Variants in MSI2 observed in about 807,000 individuals in gnomAD.
MSI2 encodes the protein musashi RNA binding protein 2.
MSI2 carries 17 observed loss-of-function variants against 45.6 expected under a neutral mutation model. The observed-to-expected ratio is 0.37, with a 90% CI of 0.26 to 0.56. MSI2 has a LOEUF of 0.56. Ranked by LOEUF, MSI2 falls within the 20% of genes least tolerant of loss-of-function variation. The pLI is 0.77. For missense variants in MSI2, 293 were observed against 444.2 expected, an observed-to-expected ratio of 0.66 and a Z score of 3.06; for synonymous variants, 156 against 158.2, an observed-to-expected ratio of 0.99 and a Z score of 0.11.
intron 6 of MSI2, among the ~76,000 whole-genome samples, chr17:57,494,979 A>G (rs1567857963): frequency 6.6e-6 from 1 of 152,224 alleles, no homozygotes; most frequent in African/African-American, 2.4e-5. Flanking sequence ...CACTTAAAAA[A>G]AACAACAGTG....
intron 5 of MSI2, among the ~76,000 whole-genome samples, chr17:57,317,968 G>A (rs1478308890): frequency 6.6e-6 from 1 of 152,110 alleles, no homozygotes. Flanking sequence ...GGCCAACATG[G>A]TGAAACCCCA....
chr17:57,654,426 C>T (rs767478112), intron 11 of MSI2, among the ~76,000 whole-genome samples: 12 of 152,240 alleles, frequency 7.9e-5, no homozygotes, highest in Non-Finnish European at 1.2e-4. Flanking sequence ...TGTCACCTCA[C>T]TCCTTCTAGA....
intron 8 of MSI2, among the ~76,000 whole-genome samples, chr17:57,610,152 A>G (rs1181621640): frequency 6.6e-6 from 1 of 152,100 alleles, no homozygotes; most frequent in East Asian, 1.9e-4. Flanking sequence ...ACTTACTCTC[A>G]AATGGAAAAA....
intron 5 of MSI2, among the ~76,000 whole-genome samples, chr17:57,296,147 G>A (rs187026794): frequency 6.6e-6 from 1 of 151,458 alleles, no homozygotes; most frequent in Non-Finnish European, 1.5e-5. Flanking sequence ...AGATTTCATC[G>A]TTGCATTATC....
chr17:57,340,827 T>C (rs1011563068), intron 5 of MSI2, among the ~76,000 whole-genome samples: 6 of 152,176 alleles, frequency 3.9e-5, no homozygotes, highest in Non-Finnish European at 8.8e-5. Context: ...GACATTCTTA[T>C]CAGCGCATCT....
intron 7 of MSI2, among the ~76,000 whole-genome samples, chr17:57,586,754 T>A (rs1265550315): frequency 6.6e-6 from 1 of 151,990 alleles, no homozygotes; most frequent in African/African-American, 2.4e-5. Context: ...GGCTCATACC[T>A]GTGATCCCAC....
intron 6 of MSI2, among the ~76,000 whole-genome samples, chr17:57,483,782 G>A (rs1235999850): frequency 2.0e-5 from 3 of 152,172 alleles, no homozygotes; most frequent in Non-Finnish European, 4.4e-5. Context: ...GGATGAAGAA[G>A]CATTGCTGGG....
At chr17:57,446,464 G>T (rs550938633) in intron 6 of MSI2, among the ~76,000 whole-genome samples, 1 of 152,330 alleles carries the variant, frequency 6.6e-6, no homozygotes, top group East Asian at 1.9e-4. Context: ...GGGATGTTCT[G>T]TCCCTGCACA....
At chr17:57,697,455 CT>C in the MSI2 span, among the ~76,000 whole-genome samples, 4 of 152,142 alleles carry the variant, frequency 2.6e-5, no homozygotes, top group Non-Finnish European at 5.9e-5. Flanking sequence ...CTCTCACACT[CT>C]TGCTCTCACA....
intron 5 of MSI2, among the ~76,000 whole-genome samples, chr17:57,351,195 G>A (rs1916002948): frequency 6.6e-6 from 1 of 152,188 alleles, no homozygotes; most frequent in East Asian, 1.9e-4. Flanking sequence ...AGTCTTGCAA[G>A]GCACAAGCAG....
intron 7 of MSI2, among the ~76,000 whole-genome samples, chr17:57,584,375 A>C (rs569073185): frequency 2.0e-4 from 31 of 152,262 alleles, no homozygotes; most frequent in Admixed American, 1.7e-3. Context: ...CAAACCACTC[A>C]TCAGAGGCAC....
chr17:57,697,202 C>A, the MSI2 span, among the ~76,000 whole-genome samples: 1 of 149,242 alleles, frequency 6.7e-6, no homozygotes, highest in Non-Finnish European at 1.5e-5. Context: ...AGTCCTCTCT[C>A]ATTTGCACAC....
At chr17:57,538,634 C>G (rs146611549) in intron 7 of MSI2, among the ~76,000 whole-genome samples, 2 of 152,262 alleles carry the variant, frequency 1.3e-5, no homozygotes, top group Non-Finnish European at 2.9e-5. Flanking sequence ...GTGAAACCAC[C>G]TGCTTAACTT....
intron 7 of MSI2, among the ~76,000 whole-genome samples, chr17:57,591,566 A>T (rs1904829760): frequency 6.6e-6 from 1 of 151,736 alleles, no homozygotes; most frequent in Non-Finnish European, 1.5e-5. Context: ...TCTACAAAAA[A>T]ATTACAAAAA....
At chr17:57,430,747 C>T (rs1170310698) in intron 6 of MSI2, among the ~76,000 whole-genome samples, 13 of 152,178 alleles carry the variant, frequency 8.5e-5, no homozygotes, top group Non-Finnish European at 7.3e-5. Flanking sequence ...AGTTTCTAGA[C>T]TTAGCTTGCC....
chr17:57,660,870 G>C (rs973157855), intron 11 of MSI2, among the ~76,000 whole-genome samples: 6 of 152,164 alleles, frequency 3.9e-5, no homozygotes, highest in Non-Finnish European at 8.8e-5. Context: ...ATCAGAGCAG[G>C]GGACCCTTGG....
At chr17:57,468,757 C>T (rs971530662) in intron 6 of MSI2, among the ~76,000 whole-genome samples, 4 of 151,956 alleles carry the variant, frequency 2.6e-5, no homozygotes, top group Admixed American at 2.0e-4. Flanking sequence ...GCCCAGAACG[C>T]GGGTCTCTTG....
At chr17:57,639,007 C>T (rs577140338) in intron 10 of MSI2, among the ~76,000 whole-genome samples, 15 of 152,246 alleles carry the variant, frequency 9.9e-5, no homozygotes, top group Non-Finnish European at 1.9e-4. Context: ...CTTCCTGGTT[C>T]GTAGACTGCC....
At position 57,529,597 on chromosome 17, in the gene MSI2, AC is replaced by A; in HGVS notation, c.406-73del. On this transcript the variant is annotated intron_variant, in intron 6 of 13. Coordinates refer to ENST00000284073, the MANE Select transcript of MSI2 (RefSeq NM_138962.4). The surrounding 1 kb of genome is among the most constrained non-coding windows in gnomAD (Gnocchi z 5.3). ...CTTCTGTAATGGAAACTACCCCCTC[AC>A]CCCCCGACATGCATATAATGTTTTG... is the stretch of plus-strand genomic sequence containing the variant. 6 of 1,311,506 alleles carry A rather than the reference AC, an allele frequency of 4.6e-6. No individual in the cohort carries two copies. The highest frequency in any genetic ancestry group is 2.5e-5 in the South Asian group (2 of 80,478). The allele number at this position is 1,311,506 out of a possible 1,614,324, so 81.2% of individuals were successfully genotyped here.
Sources: allele counts gnomAD v4.1 joint callset (sites outside exome capture counted in the v4.1 genomes callset), GRCh38; gene constraint gnomAD v4.1.1; non-coding constraint Gnocchi (gnomAD v3.1); transcripts MANE v1.5; gene names NCBI Gene and HGNC (gene_info 2026-07-23, HGNC 2026-07-21).